The following SPIDR variants were observed in gnomAD, a reference collection of about 807,000 sequenced individuals.
The protein encoded by SPIDR is DNA repair-scaffolding protein.
In SPIDR, 93 loss-of-function variants were observed where a neutral mutation model predicts 104.6. The observed-to-expected ratio is 0.89, with a 90% CI of 0.75 to 1.06. The LOEUF is 1.06. SPIDR is among the 50% of genes least tolerant of loss of function. SPIDR has a pLI of 0.00. For missense variants in SPIDR, 1,154 were observed against 1,111.2 expected (o/e 1.04, Z -0.55); for synonymous variants, 431 against 416.9 (o/e 1.03, Z -0.41).
chr8:47,294,890 A>ATT (rs1170653512), intron 5 of SPIDR, among the ~76,000 whole-genome samples: 1 of 151,510 alleles, frequency 6.6e-6, no homozygotes, highest in Non-Finnish European at 1.5e-5. Context: ...TTACTTCTTA[A>ATT]TTTTTTTTCT....
At chr8:47,568,213 A>G (rs1025200474) in intron 8 of SPIDR, among the ~76,000 whole-genome samples, 9 of 152,286 alleles carry the variant, frequency 5.9e-5, no homozygotes, top group Middle Eastern at 3.4e-3. Flanking sequence ...TCCTGGATCA[A>G]CCATTCCTCA....
At chr8:47,659,241 G>A (rs1013571915) in intron 10 of SPIDR, among the ~76,000 whole-genome samples, 4 of 152,240 alleles carry the variant, frequency 2.6e-5, no homozygotes, top group South Asian at 2.1e-4. Flanking sequence ...CCTGGGAGAC[G>A]GAGGGTGGCC....
chr8:47,554,346 A>G (rs1467972038), intron 8 of SPIDR, among the ~76,000 whole-genome samples: 1 of 152,176 alleles, frequency 6.6e-6, no homozygotes, highest in Non-Finnish European at 1.5e-5. Flanking sequence ...CCCTGCCCCC[A>G]GAGGTGGAAT....
chr8:47,703,073 C>G (rs762517796), intron 14 of SPIDR, among the ~76,000 whole-genome samples: 1 of 152,182 alleles, frequency 6.6e-6, no homozygotes, highest in African/African-American at 2.4e-5. Flanking sequence ...ACTCACACCC[C>G]TCACTTTTCT....
chr8:47,328,421 T>G (rs560846625), intron 5 of SPIDR, among the ~76,000 whole-genome samples: 4 of 151,730 alleles, frequency 2.6e-5, no homozygotes, highest in African/African-American at 9.7e-5. Context: ...CTAATTATTT[T>G]TTTTTTTTTT....
intron 6 of SPIDR, among the ~76,000 whole-genome samples, chr8:47,403,487 G>C (rs1338205839): frequency 6.6e-6 from 1 of 152,200 alleles, no homozygotes; most frequent in Non-Finnish European, 1.5e-5. Context: ...TCCTTAAGCT[G>C]ATAAGCAAAT....
chr8:47,667,927 A>T (rs771379289), intron 10 of SPIDR: 2 of 152,222 alleles, frequency 1.3e-5, no homozygotes, highest in African/African-American at 2.4e-5. Flanking sequence ...ATACTGTAGC[A>T]TCTTCATGCT....
chr8:47,298,540 C>T (rs1240384164), intron 5 of SPIDR, among the ~76,000 whole-genome samples: 6 of 152,126 alleles, frequency 3.9e-5, no homozygotes, highest in Non-Finnish European at 8.8e-5. Flanking sequence ...TGCCTGTGTC[C>T]TGAATGGTAT....
intron 1 of SPIDR, among the ~76,000 whole-genome samples, chr8:47,267,681 C>T (rs1421123575): frequency 2.0e-5 from 3 of 152,112 alleles, no homozygotes; most frequent in South Asian, 2.1e-4. Flanking sequence ...TATTTGGCTG[C>T]GTTTTCATTG....
intron 8 of SPIDR, among the ~76,000 whole-genome samples, chr8:47,490,890 A>C (rs1554738846): frequency 6.6e-6 from 1 of 152,206 alleles, no homozygotes; most frequent in Non-Finnish European, 1.5e-5. Flanking sequence ...AGATATACCT[A>C]ATGTAAATGA....
intron 10 of SPIDR, among the ~76,000 whole-genome samples, chr8:47,643,731 T>C (rs1213599464): frequency 1.3e-5 from 2 of 152,200 alleles, no homozygotes; most frequent in Non-Finnish European, 2.9e-5. Context: ...GTATATTATA[T>C]ACACAAAAAA....
intron 8 of SPIDR, among the ~76,000 whole-genome samples, chr8:47,589,987 G>C (rs553895701): frequency 1.3e-5 from 2 of 152,038 alleles, no homozygotes; most frequent in African/African-American, 4.8e-5. Flanking sequence ...GACCAACATG[G>C]TGAATGAAAC....
At position 47,729,000 on chromosome 8, in the gene SPIDR, G is replaced by A. The variant is rs762632497; in HGVS notation, c.2503G>A (p.Val835Ile). ...TCCTGTTCTCAAGAGGCACCTGCAG[G>A]TCTTCCTGGACTGCCGCTCAAGACC... is the stretch of plus-strand genomic sequence containing the variant. ...TSPVLKRHLQ[V>I]FLDCRSRPQC... Residue 835 changes from valine to isoleucine, a missense_variant, in exon 18 of 20, where the codon GTC becomes ATC. By Grantham distance (29) the Val-to-Ile change is conservative. Transcript: ENST00000297423. 1 of 1,613,872 alleles carries A rather than the reference G, an allele frequency of 6.2e-7. No homozygotes were observed. The highest frequency in any genetic ancestry group is 1.1e-5 in the South Asian group (1 of 91,094).
chr8:47,300,405 C>G, intron 5 of SPIDR, among the ~76,000 whole-genome samples: 1 of 152,116 alleles, frequency 6.6e-6, no homozygotes, highest in East Asian at 1.9e-4. Flanking sequence ...AAAGCCAGCT[C>G]CTGGATTCAT....
intron 5 of SPIDR, among the ~76,000 whole-genome samples, chr8:47,384,992 T>C (rs188350386): frequency 6.6e-6 from 1 of 152,206 alleles, no homozygotes. Flanking sequence ...TGTTTTGTTT[T>C]GTTTCCTCTT....
At chr8:47,417,313 G>A (rs1227893759) in intron 7 of SPIDR, among the ~76,000 whole-genome samples, 79 of 152,158 alleles carry the variant, frequency 5.2e-4, no homozygotes, top group African/African-American at 8.9e-4. Flanking sequence ...TTTAATGATC[G>A]CCATTCTAAC....
chr8:47,502,858 A>G (rs1205292257), intron 8 of SPIDR, among the ~76,000 whole-genome samples: 1 of 152,180 alleles, frequency 6.6e-6, no homozygotes, highest in African/African-American at 2.4e-5. Flanking sequence ...ATTGGTTTCA[A>G]AGAACATCTT....
At chr8:47,491,641 T>G (rs927511137) in intron 8 of SPIDR, among the ~76,000 whole-genome samples, 1 of 152,094 alleles carries the variant, frequency 6.6e-6, no homozygotes, top group East Asian at 1.9e-4. Context: ...GGGGCAGCTG[T>G]TCAGAGTTGC....
intron 8 of SPIDR, among the ~76,000 whole-genome samples, chr8:47,499,884 C>T (rs1366103233): frequency 1.3e-5 from 2 of 151,750 alleles, no homozygotes; most frequent in African/African-American, 4.8e-5. Context: ...TGAGTGAGAA[C>T]ATGCAGTGTT....
Sources: allele counts gnomAD v4.1 joint callset (sites outside exome capture counted in the v4.1 genomes callset), GRCh38; gene constraint gnomAD v4.1.1; transcripts MANE v1.5; gene names NCBI Gene and HGNC (gene_info 2026-07-23, HGNC 2026-07-21).